The following SLC2A13 variants were observed in gnomAD, a reference collection of about 807,000 sequenced individuals.
SLC2A13 encodes solute carrier family 2 member 13.
SLC2A13 carries 32 observed loss-of-function variants against 64.4 expected under a neutral mutation model. That is an observed-to-expected ratio of 0.50 (90% CI 0.37 to 0.67). The LOEUF is 0.67. SLC2A13 is among the 30% of genes least tolerant of loss of function. The pLI is 0.00. For missense variants in SLC2A13, 743 were observed against 829.2 expected (o/e 0.90, Z 1.28); for synonymous variants, 338 against 327.1 (o/e 1.03, Z -0.36).
chr12:39,997,062 G>C (rs190259672), intron 3 of SLC2A13, among the ~76,000 whole-genome samples: 3 of 152,028 alleles, frequency 2.0e-5, no homozygotes, highest in African/African-American at 7.2e-5. Flanking sequence ...AACCAAAAAA[G>C]AGCCCACAGA....
At chr12:40,080,879 T>C (rs1357838308) in intron 1 of SLC2A13, among the ~76,000 whole-genome samples, 1 of 152,264 alleles carries the variant, frequency 6.6e-6, no homozygotes, top group African/African-American at 2.4e-5. Context: ...TAAGCATCTC[T>C]TGTAAAGCAA....
At chr12:39,831,124 A>T (rs544612057) in intron 6 of SLC2A13, among the ~76,000 whole-genome samples, 52 of 152,298 alleles carry the variant, frequency 3.4e-4, no homozygotes, top group Non-Finnish European at 5.9e-4. Flanking sequence ...CAGAGATACT[A>T]AAGATGAATA....
chr12:39,999,183 T>C (rs1478621234), intron 3 of SLC2A13, among the ~76,000 whole-genome samples: 2 of 152,132 alleles, frequency 1.3e-5, no homozygotes, highest in East Asian at 1.9e-4. Flanking sequence ...ACTGTACAAA[T>C]TGATTGTAAA....
At chr12:39,969,340 G>T (rs571771801) in intron 3 of SLC2A13, among the ~76,000 whole-genome samples, 2 of 152,242 alleles carry the variant, frequency 1.3e-5, no homozygotes, top group African/African-American at 4.8e-5. Context: ...GGGTCAAATG[G>T]TATTTCTAGT....
chr12:39,886,633 A>C (rs1051314260), intron 4 of SLC2A13, among the ~76,000 whole-genome samples: 1 of 152,096 alleles, frequency 6.6e-6, no homozygotes, highest in Non-Finnish European at 1.5e-5. Context: ...AATTGACTAT[A>C]TTGTCTTAAC....
chr12:40,011,130 C>A (rs1050228475), intron 3 of SLC2A13, among the ~76,000 whole-genome samples: 2 of 152,132 alleles, frequency 1.3e-5, no homozygotes, highest in Non-Finnish European at 2.9e-5. Flanking sequence ...ACGCCCGGTA[C>A]CAAGAGTTGG....
chr12:39,954,578 T>C (rs1337158890), intron 3 of SLC2A13, among the ~76,000 whole-genome samples: 3 of 152,184 alleles, frequency 2.0e-5, no homozygotes, highest in Admixed American at 2.0e-4. Flanking sequence ...AGAAGGGATA[T>C]ACCTTAATAA....
At chr12:39,918,939 C>T (rs1183766357) in intron 4 of SLC2A13, among the ~76,000 whole-genome samples, 1 of 149,580 alleles carries the variant, frequency 6.7e-6, no homozygotes, top group Non-Finnish European at 1.5e-5. Context: ...TATACACGCG[C>T]ACACACACAC....
chr12:39,915,558 T>C (rs961076414), intron 4 of SLC2A13, among the ~76,000 whole-genome samples: 2 of 151,980 alleles, frequency 1.3e-5, no homozygotes, highest in Non-Finnish European at 2.9e-5. Flanking sequence ...AATCTTGTTT[T>C]GAAAAATTAG....
At chr12:39,940,626 T>C (rs1192458810) in intron 4 of SLC2A13, among the ~76,000 whole-genome samples, 3 of 151,986 alleles carry the variant, frequency 2.0e-5, no homozygotes, top group Non-Finnish European at 4.4e-5. Context: ...ATGAGGTTAA[T>C]GGTTCTTGAG....
chr12:40,087,724 T>C (rs1367469087), intron 1 of SLC2A13, among the ~76,000 whole-genome samples: 1 of 152,210 alleles, frequency 6.6e-6, no homozygotes, highest in East Asian at 1.9e-4. Flanking sequence ...AGGTTACATG[T>C]ACCAGTTAAC....
At chr12:39,829,894 A>G in intron 7 of SLC2A13, 1 of 617,310 alleles carries the variant, frequency 1.6e-6, no homozygotes, top group Non-Finnish European at 2.7e-6. Flanking sequence ...CTGGGTCTCC[A>G]AAAGTCTAGG....
At chr12:40,024,529 C>T (rs920668091) in intron 3 of SLC2A13, among the ~76,000 whole-genome samples, 4 of 152,176 alleles carry the variant, frequency 2.6e-5, no homozygotes, top group African/African-American at 9.7e-5. Flanking sequence ...CCTAACCATC[C>T]CATGTAAAGT....
intron 3 of SLC2A13, among the ~76,000 whole-genome samples, chr12:39,987,129 C>A (rs919857773): frequency 6.6e-6 from 1 of 152,084 alleles, no homozygotes; most frequent in Admixed American, 6.6e-5. Context: ...TAGCTCCAGT[C>A]AATCATATCC....
intron 3 of SLC2A13, among the ~76,000 whole-genome samples, chr12:40,025,932 ACT>A (rs143599165): frequency 0.014 from 2,129 of 152,222 alleles, 42 homozygotes; most frequent in African/African-American, 0.049. Context: ...CAGTTTGTTA[ACT>A]CTCTATTTTC....
rs1417604833 is a variant in SLC2A13 at position 39,895,799 on chromosome 12, TATGCGTGTATACGTACAC to T, written c.1035-23856_1035-23839del. Among the ~76,000 whole-genome samples, 5 of 96,968 alleles carry T rather than the reference TATGCGTGTATACGTACAC, an allele frequency of 5.2e-5. 2 individuals are homozygous for T. Among genetic ancestry groups the T allele is most frequent in the African/African-American group, 1.7e-4 (4 of 23,498 alleles). 63.6% of individuals were successfully genotyped at this position (96,968 alleles called of 152,430 possible). Reference sequence around the variant, plus strand: ...ATGCGTGTATACGTACACACATGTATATGCGTGTATACGTACACACATGTATATGCGTGTATATGCACA... The same window carrying T: ...ATGCGTGTATACGTACACACATGTATACATGTATATGCGTGTATATGCACA... On this transcript the variant is annotated intron_variant, in intron 4 of 9. Transcript: ENST00000280871.
intron 1 of SLC2A13, among the ~76,000 whole-genome samples, chr12:40,094,222 G>A (rs1938861878): frequency 6.6e-6 from 1 of 152,192 alleles, no homozygotes; most frequent in Non-Finnish European, 1.5e-5. Context: ...GGAGATGGTG[G>A]ACAAAACAGG....
chr12:39,764,761 A>T lies in SLC2A13; in HGVS notation c.1543T>A (p.Leu515Ile). ...CCAGGTGCAAAGAAGACAAGATATAAAATAAGGCCCAGAAGTGCAGTCCAG... is the reference window on the plus strand; with the variant it reads ...CCAGGTGCAAAGAAGACAAGATATATAATAAGGCCCAGAAGTGCAGTCCAG... ...YSWTALLGLI[L>I]YLVFFAPGMG... Residue 515 changes from leucine to isoleucine, a missense_variant, in exon 8 of 10, where the codon TTA becomes ATA. By Grantham distance (5) the Leu-to-Ile change is conservative. Coordinates refer to ENST00000280871, the MANE Select transcript of SLC2A13 (RefSeq NM_052885.4). 1 of 1,612,842 alleles carries T rather than the reference A, an allele frequency of 6.2e-7. No individual in the cohort carries two copies. The highest frequency in any genetic ancestry group is 8.5e-7 in the Non-Finnish European group (1 of 1,179,334).
At chr12:39,913,127 A>G (rs1312174258) in intron 4 of SLC2A13, among the ~76,000 whole-genome samples, 5 of 152,004 alleles carry the variant, frequency 3.3e-5, no homozygotes. Flanking sequence ...CTGAGTAAGC[A>G]AAAAACATAT....
Sources: allele counts gnomAD v4.1 joint callset (sites outside exome capture counted in the v4.1 genomes callset), GRCh38; gene constraint gnomAD v4.1.1; transcripts MANE v1.5; gene names NCBI Gene and HGNC (gene_info 2026-07-23, HGNC 2026-07-21).